Variants in CLNK observed in about 807,000 individuals in gnomAD.
CLNK encodes cytokine dependent hematopoietic cell linker, also known as cytokine-dependent hematopoietic cell linker.
CLNK carries 74 observed loss-of-function variants against 68.6 expected under a neutral mutation model. The ratio of observed to expected loss-of-function variants is 1.08; its 90% confidence interval spans 0.89 to 1.31. The LOEUF is 1.31. Ranked by LOEUF, CLNK falls within the 50% of genes most tolerant of loss-of-function variation. The pLI, the probability that CLNK is intolerant of heterozygous loss-of-function variation, is 0.00. For synonymous variants in CLNK, 198 were observed against 172.2 expected (o/e 1.15, Z -1.17); for missense variants, 553 against 515.3 (o/e 1.07, Z -0.71).
intron 12 of CLNK, among the ~76,000 whole-genome samples, chr4:10,528,935 T>A (rs750147728): frequency 6.6e-5 from 10 of 152,212 alleles, no homozygotes; most frequent in Non-Finnish European, 1.3e-4. Context: ...GGTGGTAGAA[T>A]TCTTGATCAT....
chr4:10,490,415 A>G lies in CLNK; in HGVS notation c.*52T>C. 6.4e-7 allele frequency: 1 copy of G among 1,570,812 alleles called. No individual in the cohort carries two copies. The highest frequency in any genetic ancestry group is 1.2e-5 in the South Asian group (1 of 83,180). On this transcript the variant is annotated 3_prime_UTR_variant, in exon 19 of 19. Coordinates refer to ENST00000226951, the MANE Select transcript of CLNK (RefSeq NM_052964.4). ...AGAAAATAAACTTTTGAAATCAATG[A>G]AAACAATGGAAGCGCTGAATCCAGT...
chr4:10,705,896 A>G, the CLNK span, among the ~76,000 whole-genome samples: 1 of 152,356 alleles, frequency 6.6e-6, no homozygotes, highest in Admixed American at 6.5e-5. Context: ...GGAAAAGTGT[A>G]AGACACTGGA....
intron 8 of CLNK, among the ~76,000 whole-genome samples, chr4:10,557,099 A>G (rs1719704097): frequency 6.6e-6 from 1 of 151,476 alleles, no homozygotes; most frequent in African/African-American, 2.4e-5. Context: ...AAATAAATAA[A>G]TAAATAAATA....
chr4:10,553,249 A>C (rs569162199), intron 8 of CLNK, among the ~76,000 whole-genome samples: 1 of 152,316 alleles, frequency 6.6e-6, no homozygotes, highest in South Asian at 2.1e-4. Context: ...AATGTGTTCT[A>C]AGGAGCATGG....
At chr4:10,613,663 C>G (rs1310612382) in intron 2 of CLNK, among the ~76,000 whole-genome samples, 2 of 152,140 alleles carry the variant, frequency 1.3e-5, no homozygotes, top group East Asian at 3.9e-4. Flanking sequence ...AAAGTGGAAG[C>G]AGAGAGACCC....
chr4:10,639,233 A>AT (rs1305395531), intron 2 of CLNK, among the ~76,000 whole-genome samples: 1 of 152,238 alleles, frequency 6.6e-6, no homozygotes, highest in Non-Finnish European at 1.5e-5. Flanking sequence ...AAACTGACTG[A>AT]ATGGCTCTGA....
intron 18 of CLNK, 67 bp downstream of exon 18, chr4:10,501,189 T>A: frequency 6.9e-7 from 1 of 1,459,210 alleles, no homozygotes; most frequent in South Asian, 1.5e-5. Flanking sequence ...CAGGGTGACA[T>A]CCCCCAAACT....
At chr4:10,662,729 A>C (rs35077220) in intron 2 of CLNK, among the ~76,000 whole-genome samples, 15,992 of 152,264 alleles carry the variant, frequency 0.11, 1,086 homozygotes, top group East Asian at 0.17. Flanking sequence ...AAATTTTAAG[A>C]TATTACACAT....
intron 2 of CLNK, among the ~76,000 whole-genome samples, chr4:10,605,704 T>C (rs1431082089): frequency 6.6e-6 from 1 of 151,404 alleles, no homozygotes; most frequent in Non-Finnish European, 1.5e-5. Context: ...GGTGCACACC[T>C]GTAGTCTCAG....
At chr4:10,532,151 G>T (rs1718569329) in intron 12 of CLNK, 105 bp downstream of exon 12, 3 of 835,160 alleles carry the variant, frequency 3.6e-6, no homozygotes, top group Admixed American at 2.0e-5. Flanking sequence ...TAGCTATTGT[G>T]AGAACTAAGT....
intron 7 of CLNK, among the ~76,000 whole-genome samples, chr4:10,561,241 G>C (rs1719878196): frequency 6.6e-6 from 1 of 152,096 alleles, no homozygotes; most frequent in African/African-American, 2.4e-5. Flanking sequence ...AACTCTTGTT[G>C]AATTTATGAG....
the CLNK span, among the ~76,000 whole-genome samples, chr4:10,727,504 G>A: frequency 6.6e-6 from 1 of 152,150 alleles, no homozygotes; most frequent in Non-Finnish European, 1.5e-5. Context: ...CTGTTAAATG[G>A]GGATACAGCT....
At chr4:10,643,315 C>T (rs28655586) in intron 2 of CLNK, among the ~76,000 whole-genome samples, 3,310 of 152,316 alleles carry the variant, frequency 0.022, 141 homozygotes, top group African/African-American at 0.075. Flanking sequence ...AATCAATTAA[C>T]AGAATGTCTC....
At chr4:10,496,111 A>G (rs1488937569) in intron 18 of CLNK, among the ~76,000 whole-genome samples, 7 of 152,076 alleles carry the variant, frequency 4.6e-5, no homozygotes, top group Admixed American at 4.6e-4. Context: ...GTCTGCCACT[A>G]TTTACATCAA....
intron 2 of CLNK, among the ~76,000 whole-genome samples, chr4:10,629,248 G>A (rs1433618146): frequency 1.3e-5 from 2 of 152,206 alleles, no homozygotes; most frequent in East Asian, 1.9e-4. Flanking sequence ...CCTTTCGTGA[G>A]TTGATTTATC....
At chr4:10,568,292 G>C (rs1361814485) in intron 5 of CLNK, among the ~76,000 whole-genome samples, 1 of 152,148 alleles carries the variant, frequency 6.6e-6, no homozygotes, top group Non-Finnish European at 1.5e-5. Context: ...ATACAAAATG[G>C]AATGTTGCAT....
At chr4:10,710,455 G>T in the CLNK span, among the ~76,000 whole-genome samples, 1 of 152,282 alleles carries the variant, frequency 6.6e-6, no homozygotes, top group African/African-American at 2.4e-5. Flanking sequence ...TCTGGAATGC[G>T]TTCCTTATCA....
intron 14 of CLNK, among the ~76,000 whole-genome samples, chr4:10,523,346 T>C (rs938906106): frequency 6.6e-6 from 1 of 152,160 alleles, no homozygotes; most frequent in Non-Finnish European, 1.5e-5. Flanking sequence ...GGTCATTAGA[T>C]ACACAGGTCT....
chr4:10,599,243 T>C (rs577718519), intron 2 of CLNK, among the ~76,000 whole-genome samples: 2 of 152,214 alleles, frequency 1.3e-5, no homozygotes, highest in East Asian at 3.9e-4. Context: ...CACTCACACA[T>C]GTACACAAAA....
Sources: gnomAD v4.1 joint callset for allele counts (sites outside exome capture counted in the v4.1 genomes callset) on GRCh38, gnomAD v4.1.1 for gene constraint, MANE v1.5 for transcripts, NCBI Gene and HGNC (gene_info 2026-07-23, HGNC 2026-07-21) for gene names.